PCDHGA8: variants seen among roughly 807,000 people sequenced by gnomAD.
PCDHGA8 encodes protocadherin gamma-A8.
Under a neutral mutation model 59.2 loss-of-function variants are expected in PCDHGA8, and 45 were observed. The ratio of observed to expected loss-of-function variants is 0.76; its 90% CI spans 0.60 to 0.98. PCDHGA8 has a LOEUF of 0.98. Among genes scored for constraint, PCDHGA8 ranks in the 50% least tolerant of loss-of-function variants. PCDHGA8 has a pLI of 0.00. For missense variants in PCDHGA8, 1,257 were observed against 1,196.2 expected, an observed-to-expected ratio of 1.05 and a Z score of -0.75; for synonymous variants, 531 against 519.0, an observed-to-expected ratio of 1.02 and a Z score of -0.32.
intron 1 of PCDHGA8, chr5:141,419,399 G>T (rs893535249): frequency 6.2e-7 from 1 of 1,613,470 alleles, no homozygotes. Context: ...GAGCGGGGTG[G>T]TGTTCGCGCA....
At chr5:141,401,113 G>A (rs2094114942) in intron 1 of PCDHGA8, among the ~76,000 whole-genome samples, 1 of 152,192 alleles carries the variant, frequency 6.6e-6, no homozygotes, top group Non-Finnish European at 1.5e-5. Flanking sequence ...GGAGGCCGAG[G>A]CGGTTGGATC....
intron 1 of PCDHGA8, among the ~76,000 whole-genome samples, chr5:141,466,021 G>A (rs2099115061): frequency 6.6e-6 from 1 of 151,934 alleles, no homozygotes; most frequent in Admixed American, 6.6e-5. Flanking sequence ...ACTCGGGAGG[G>A]TGAGGCAGGA....
At chr5:141,413,199 A>T in intron 1 of PCDHGA8, 1 of 1,611,930 alleles carries the variant, frequency 6.2e-7, no homozygotes, top group Non-Finnish European at 8.5e-7. Flanking sequence ...GGAATCGCTC[A>T]AAGGAATCAA....
At chr5:141,446,718 C>G (rs1279970040) in intron 1 of PCDHGA8, among the ~76,000 whole-genome samples, 1 of 152,174 alleles carries the variant, frequency 6.6e-6, no homozygotes, top group Non-Finnish European at 1.5e-5. Flanking sequence ...CTGCCCGCCT[C>G]GGCCTCCCAA....
intron 1 of PCDHGA8, chr5:141,404,176 A>G (rs763166170): frequency 7.4e-6 from 12 of 1,613,206 alleles, no homozygotes; most frequent in South Asian, 2.2e-5. Context: ...TGACGGCCCA[A>G]ATTCTTGACC....
intron 1 of PCDHGA8, among the ~76,000 whole-genome samples, chr5:141,450,006 CTTTTT>C (rs1554136305): frequency 1.5e-5 from 2 of 132,980 alleles, no homozygotes; most frequent in African/African-American, 2.8e-5. Flanking sequence ...TGCCATGTCT[CTTTTT>C]TTTTTTTTTT....
Position 141,394,889 on chromosome 5 carries a change from T to C in PCDHGA8, c.2076T>C (p.Tyr692=). The change falls in exon 1 of 4, where the codon TAT becomes TAC. Residue 692 remains tyrosine, a synonymous_variant. Transcript: ENST00000398604. ...VDPNDSSLTL[Y]LVVAVAAISC... is the part of the protein sequence containing the mutation. The stretch of plus-strand genomic sequence containing the variant: ...CGAACGATTCGAGCCTTACACTCTA[T>C]CTCGTGGTGGCAGTGGCTGCCATCT... 6.2e-7 allele frequency: 1 copy of C among 1,613,858 alleles called. No homozygotes were observed. The highest frequency in any genetic ancestry group is 8.5e-7 in the Non-Finnish European group (1 of 1,179,888).
chr5:141,405,225 C>T (rs2154536264), intron 1 of PCDHGA8: 4 of 1,614,082 alleles, frequency 2.5e-6, no homozygotes, highest in Non-Finnish European at 1.7e-6. Context: ...CAGGAGTTCT[C>T]CCTCACCGCT....
At chr5:141,430,484 C>T (rs894612928) in intron 1 of PCDHGA8, 2 of 256,238 alleles carry the variant, frequency 7.8e-6, no homozygotes, top group African/African-American at 4.4e-5. Context: ...GATATAAAAA[C>T]GAAATATCCT....
intron 1 of PCDHGA8, among the ~76,000 whole-genome samples, chr5:141,467,854 T>C (rs1337373000): frequency 6.6e-6 from 1 of 151,968 alleles, no homozygotes; most frequent in Admixed American, 6.6e-5. Flanking sequence ...GAATGAGATT[T>C]CACCATGTTG....
chr5:141,501,891 T>G (rs2099811650), intron 2 of PCDHGA8, among the ~76,000 whole-genome samples: 1 of 152,128 alleles, frequency 6.6e-6, no homozygotes, highest in Admixed American at 6.5e-5. Context: ...CTGATCATCA[T>G]GGTTCCAACC....
chr5:141,410,135 G>T, intron 1 of PCDHGA8: 1 of 1,612,626 alleles, frequency 6.2e-7, no homozygotes, highest in Non-Finnish European at 8.5e-7. Context: ...CCTGCTGGTC[G>T]CTGTGCGTGA....
intron 1 of PCDHGA8, chr5:141,400,715 T>C: frequency 1.5e-6 from 1 of 682,576 alleles, no homozygotes; most frequent in Non-Finnish European, 2.4e-6. Context: ...AGTAGCCTTA[T>C]AGATTTACAA....
In PCDHGA8 at chr5:141,489,663, C is replaced by T. The variant is rs1183544696; in HGVS notation, c.2425-5144C>T. The T allele has an allele frequency of 1.9e-6, 3 of 1,614,048 alleles. No individual in the cohort carries two copies. The highest frequency in any genetic ancestry group is 2.2e-5 in the South Asian group (2 of 91,094). ...TTGCCACCCCTGAGCGAGAGATGCGCATCTCAGAATCAGCAGCATCTGGGG... is the reference window on the plus strand; with the variant it reads ...TTGCCACCCCTGAGCGAGAGATGCGTATCTCAGAATCAGCAGCATCTGGGG... On this transcript the variant is annotated intron_variant, in intron 1 of 3. Coordinates refer to ENST00000398604, the MANE Select transcript of PCDHGA8 (RefSeq NM_032088.2). This position sits in a 1 kb window ranked among gnomAD's most constrained non-coding sequence, Gnocchi z 4.5.
intron 1 of PCDHGA8, among the ~76,000 whole-genome samples, chr5:141,436,010 A>G (rs1188507054): frequency 6.6e-6 from 1 of 152,168 alleles, no homozygotes; most frequent in Non-Finnish European, 1.5e-5. Context: ...AAGTATTTGA[A>G]TTTATCTAAA....
intron 1 of PCDHGA8, chr5:141,428,335 T>G (rs535486665): frequency 3.3e-6 from 2 of 615,106 alleles, no homozygotes; most frequent in East Asian, 5.9e-5. Context: ...TTCTATGCTC[T>G]TCTTCCTCGC....
intron 1 of PCDHGA8, chr5:141,420,119 T>C: frequency 6.2e-7 from 1 of 1,614,044 alleles, no homozygotes; most frequent in Non-Finnish European, 8.5e-7. Context: ...TGCCTATAAT[T>C]TTTGTGTGCC....
chr5:141,490,891 C>A lies in PCDHGA8; in HGVS notation c.2425-3916C>A, dbSNP rs1462296497. The A allele has an allele frequency of 6.2e-7, 1 of 1,613,204 alleles. No homozygotes were observed. Among genetic ancestry groups the A allele is most frequent in the Non-Finnish European group, 8.5e-7 (1 of 1,179,262 alleles). On this transcript the variant is annotated intron_variant, in intron 1 of 3. Transcript: ENST00000398604. This position sits in a 1 kb window ranked among gnomAD's most constrained non-coding sequence, Gnocchi z 5.4. ...CCCATTGCATGCCAACACATCTCTGCATGTGTTTGTCCTAGACGAGAATGA... is the reference window on the plus strand; with the variant it reads ...CCCATTGCATGCCAACACATCTCTGAATGTGTTTGTCCTAGACGAGAATGA...
intron 1 of PCDHGA8, among the ~76,000 whole-genome samples, chr5:141,460,682 T>A (rs957470916): frequency 3.3e-5 from 5 of 152,134 alleles, no homozygotes; most frequent in African/African-American, 1.2e-4. Flanking sequence ...TATATCTATA[T>A]ATCCACCAAC....
Sources: allele counts gnomAD v4.1 joint callset (sites outside exome capture counted in the v4.1 genomes callset), GRCh38; gene constraint gnomAD v4.1.1; non-coding constraint Gnocchi (gnomAD v3.1); transcripts MANE v1.5; gene names NCBI Gene and HGNC (gene_info 2026-07-23, HGNC 2026-07-21).